Variants in RNF213 observed in about 807,000 individuals in gnomAD.
RNF213 encodes E3 ubiquitin-protein ligase RNF213.
Under a neutral mutation model 514.4 loss-of-function variants are expected in RNF213, and 341 were observed. That is an observed-to-expected ratio of 0.66 (90% CI 0.61 to 0.73). The LOEUF (loss-of-function observed/expected upper bound fraction) is 0.73. RNF213 is among the 30% of genes least tolerant of loss of function. The pLI is 0.00. For missense variants in RNF213, 5,767 were observed against 6,615.6 expected (o/e 0.87, Z 4.45); for synonymous variants, 2,655 against 2,658.2 (o/e 1.00, Z 0.04).
In RNF213 at chr17:80,354,511, C is replaced by T; in HGVS notation, c.10797C>T (p.His3599=). 1 of 1,614,218 alleles carries T rather than the reference C, an allele frequency of 6.2e-7. No individual in the cohort carries two copies. The highest frequency in any genetic ancestry group is 8.5e-7 in the Non-Finnish European group (1 of 1,180,042). Residue 3599 remains histidine, a synonymous_variant, in exon 36 of 68, where the codon CAC becomes CAT. Transcript: ENST00000582970. The part of the protein sequence containing the change: ...FLKKQEESQF[H]PLEWLAREAC... ...AGAAGCAAGAAGAGAGCCAGTTTCACCCTCTGGAGTGGTTGGCAAGGGAAG... is the reference window on the plus strand; with the variant it reads ...AGAAGCAAGAAGAGAGCCAGTTTCATCCTCTGGAGTGGTTGGCAAGGGAAG...
chr17:80,263,634 G>T lies in RNF213; in HGVS notation c.-48G>T. 6.6e-7 allele frequency: 1 copy of T among 1,507,636 alleles called. No homozygotes were observed. The highest frequency in any genetic ancestry group is 1.1e-5 in the South Asian group (1 of 88,952). The allele number at this position is 1,507,636 out of a possible 1,614,324, so 93.4% of individuals were successfully genotyped here. On this transcript the variant is annotated 5_prime_UTR_variant, in exon 2 of 68. Transcript: ENST00000582970. The surrounding 1 kb of genome is among the most constrained non-coding windows in gnomAD (Gnocchi z 4.9). ...ATGTAGTATATAGCAGGCTGCCAGC[G>T]ACTCCTGCTCTTGCTTCTGGATCTG...
intron 2 of RNF213, among the ~76,000 whole-genome samples, chr17:80,267,734 C>T (rs929970269): frequency 2.6e-5 from 4 of 152,060 alleles, no homozygotes; most frequent in African/African-American, 9.7e-5. Flanking sequence ...GGTGAAGCAG[C>T]GAGTGCTGCT....
chr17:80,379,120 G>GA (rs1219706640), intron 54 of RNF213, among the ~76,000 whole-genome samples: 2 of 151,592 alleles, frequency 1.3e-5, no homozygotes, highest in African/African-American at 4.8e-5. Context: ...TGAGCCTGGG[G>GA]AGGTCAAGGC....
At chr17:80,273,893 T>C (rs1013757989) in intron 3 of RNF213, among the ~76,000 whole-genome samples, 15 of 152,180 alleles carry the variant, frequency 9.9e-5, no homozygotes, top group Middle Eastern at 3.4e-3. Context: ...GTGCTGGGAT[T>C]ACAGGTGTGA....
chr17:80,383,900 T>G lies in RNF213; in HGVS notation c.14294T>G (p.Val4765Gly). Reference sequence around the variant, plus strand: ...GAACAGAAAAATGGCAAAGAAAGAGTGCCCATCCTCTGGCATTTCCTGCAG... The same window carrying G: ...GAACAGAAAAATGGCAAAGAAAGAGGGCCCATCCTCTGGCATTTCCTGCAG... ...IVEQKNGKER[V>G]PILWHFLQKE... Residue 4765 changes from valine (V) to glycine (G), a missense_variant, in exon 59 of 68, where the codon GTG becomes GGG. By Grantham distance (109) the Val-to-Gly change is moderately radical (BLOSUM62 -3). This residue lies in a region of RNF213 where 1,245 missense variants were observed against 1,339.0 expected (regional missense o/e 0.93). Transcript: ENST00000582970. 6.2e-7 allele frequency: 1 copy of G among 1,614,050 alleles called. No homozygotes were observed. The highest frequency in any genetic ancestry group is 8.5e-7 in the Non-Finnish European group (1 of 1,180,010).
At position 80,309,039 on chromosome 17, in the gene RNF213, A is replaced by G; in HGVS notation, c.2523A>G (p.Ser841=). The G allele has an allele frequency of 6.2e-7, 1 of 1,614,084 alleles. No homozygotes were observed. The change falls in exon 14 of 68, where the codon TCA becomes TCG. Residue 841 remains serine (S), a synonymous_variant. Transcript: ENST00000582970. Reference sequence around the variant, plus strand: ...GCAGGATTCCCGAGGAGGCCTTGTCACCATCCTACCTGACTGTGTGTCTGA... The same window carrying G: ...GCAGGATTCCCGAGGAGGCCTTGTCGCCATCCTACCTGACTGTGTGTCTGA... ...YRDKIPEEAL[S]PSYLTVCLKL... is the part of the protein sequence containing the mutation.
chr17:80,339,878 C>T lies in RNF213; in HGVS notation c.5511C>T (p.His1837=), dbSNP rs1177646906. 4 of 1,537,082 alleles carry T rather than the reference C, an allele frequency of 2.6e-6. No homozygotes were observed. The highest frequency in any genetic ancestry group is 3.5e-6 in the Non-Finnish European group (4 of 1,146,898). ...AGCCCAACCTCGTCGTCTGTGGCCA[C>T]TCCGAGGTGTTGCCAGCCGCCCTGG... is the stretch of plus-strand genomic sequence containing the variant. ...VGQPNLVVCG[H]SEVLPAALAV... is the part of the protein sequence containing the mutation. The change falls in exon 26 of 68, where the codon CAC becomes CAT. Residue 1837 remains histidine, a synonymous_variant. Transcript: ENST00000582970.
At chr17:80,372,071 G>C (rs1275814948) in intron 47 of RNF213, 86 bp downstream of exon 47, 9 of 831,904 alleles carry the variant, frequency 1.1e-5, no homozygotes, top group Non-Finnish European at 1.9e-5. Flanking sequence ...ATTTTAGTCA[G>C]TATAATTAAC....
chr17:80,354,345 A>G lies in RNF213; in HGVS notation c.10727-96A>G, dbSNP rs571125027. On this transcript the variant is annotated intron_variant, in intron 35 of 67. Coordinates refer to ENST00000582970, the MANE Select transcript of RNF213 (RefSeq NM_001256071.3). The stretch of plus-strand genomic sequence containing the variant: ...TTTTGCTCTAGAATTGGCCTGGCCA[A>G]CGGACTTCCCTTCCTGGGGGAGGTG... The G allele has an allele frequency of 6.9e-6, 11 of 1,594,602 alleles. 1 individual carries two copies. In the East Asian group the frequency reaches 1.8e-4, roughly 26 times the overall value.
intron 20 of RNF213, among the ~76,000 whole-genome samples, chr17:80,329,770 G>A (rs543565196): frequency 2.0e-4 from 31 of 152,308 alleles, no homozygotes; most frequent in African/African-American, 7.2e-4. Flanking sequence ...AGTCGAGGCT[G>A]CAGTGAGCCG....
At chr17:80,342,536 T>TTCTCTCTC (rs147286130) in intron 26 of RNF213, among the ~76,000 whole-genome samples, 4 of 146,956 alleles carry the variant, frequency 2.7e-5, no homozygotes, top group African/African-American at 1.0e-4. Context: ...GACTTAATTT[T>TTCTCTCTC]TCTCTCTCTC....
chr17:80,360,282 G>A (rs993077624), intron 38 of RNF213, 76 bp downstream of exon 38: 6 of 1,506,076 alleles, frequency 4.0e-6, no homozygotes, highest in Non-Finnish European at 5.4e-6. Context: ...AAAAGCAGAT[G>A]GGTGGCTAGA....
At chr17:80,359,937 G>A in intron 37 of RNF213, 124 bp from the exon 38 acceptor site, 2 of 914,080 alleles carry the variant, frequency 2.2e-6, no homozygotes, top group Non-Finnish European at 3.5e-6. Context: ...AGCGCCGTCT[G>A]CCTGGCCTGT....
chr17:80,356,607 A>T (rs1568125521), intron 36 of RNF213, among the ~76,000 whole-genome samples: 1 of 152,072 alleles, frequency 6.6e-6, no homozygotes. Context: ...TGTGTCCCGA[A>T]CTCTGCCTGC....
intron 31 of RNF213, 41 bp from the exon 32 acceptor site, chr17:80,351,640 GTGTT>G (rs2078520547): frequency 9.9e-7 from 1 of 1,014,936 alleles, no homozygotes; most frequent in Non-Finnish European, 1.5e-6. Flanking sequence ...TTTTGTGTGT[GTGTT>G]TGTTTTTAAA....
chr17:80,287,178 G>A (rs1352201249), intron 3 of RNF213, among the ~76,000 whole-genome samples: 1 of 129,800 alleles, frequency 7.7e-6, no homozygotes, highest in East Asian at 2.3e-4. Context: ...TGAGCAACAT[G>A]GGAGACTCTG....
intron 49 of RNF213, among the ~76,000 whole-genome samples, chr17:80,373,636 C>T (rs1020636647): frequency 1.3e-5 from 2 of 152,110 alleles, no homozygotes; most frequent in Non-Finnish European, 2.9e-5. Flanking sequence ...CAAGGTGCGA[C>T]CTTTTTACCT....
intron 61 of RNF213, among the ~76,000 whole-genome samples, 165 bp from the exon 62 acceptor site, chr17:80,386,085 G>A (rs949467542): frequency 6.6e-6 from 1 of 152,174 alleles, no homozygotes; most frequent in Non-Finnish European, 1.5e-5. Context: ...TCAAAAGGGA[G>A]CTGAAAGCAT....
rs2044557687 is a variant in RNF213 at position 80,288,452 on chromosome 17, C to CG, written c.810+95dup. 112 of 1,598,450 alleles carry CG rather than the reference C, an allele frequency of 7.0e-5. No individual in the cohort carries two copies. In the South Asian group the frequency reaches 1.2e-3, roughly 17 times the overall value. On this transcript the variant is annotated intron_variant, in intron 4 of 67. Coordinates refer to ENST00000582970, the MANE Select transcript of RNF213 (RefSeq NM_001256071.3). The surrounding 1 kb of genome is among the most constrained non-coding windows in gnomAD (Gnocchi z 4.9). ...CAAGGTGCTGGCGTTGCTTCCCTGCCGGGGGGAGGGGCGTCCTCTGGGCCC... is the reference window on the plus strand; with the variant it reads ...CAAGGTGCTGGCGTTGCTTCCCTGCCGGGGGGGAGGGGCGTCCTCTGGGCCC...
Sources: allele counts gnomAD v4.1 joint callset (sites outside exome capture counted in the v4.1 genomes callset), GRCh38; gene constraint gnomAD v4.1.1; regional missense constraint gnomAD v4.1.1; non-coding constraint Gnocchi (gnomAD v3.1); transcripts MANE v1.5; gene names NCBI Gene and HGNC (gene_info 2026-07-23, HGNC 2026-07-21).